Variants in CDH13 observed in about 807,000 individuals in gnomAD.
The protein encoded by CDH13 is cadherin-13.
A neutral mutation model predicts 63.8 loss-of-function variants in CDH13; 24 were observed. The ratio of observed to expected loss-of-function variants is 0.38; its 90% CI spans 0.27 to 0.53. The LOEUF is 0.53. CDH13 is among the 20% of genes least tolerant of loss of function. The pLI, the probability that CDH13 is intolerant of heterozygous loss-of-function variation, is 0.85. For synonymous variants in CDH13, 503 were observed against 355.3 expected (o/e 1.42, Z -4.67); for missense variants, 1,049 against 903.1 (o/e 1.16, Z -2.07).
intron 2 of CDH13, among the ~76,000 whole-genome samples, chr16:82,978,140 A>G (rs990209218): frequency 1.3e-5 from 2 of 152,198 alleles, no homozygotes; most frequent in African/African-American, 4.8e-5. Flanking sequence ...TCCAAGCAGC[A>G]GAGCCTTCAA....
intron 3 of CDH13, among the ~76,000 whole-genome samples, chr16:83,072,692 T>G (rs901564271): frequency 6.6e-6 from 1 of 152,152 alleles, no homozygotes; most frequent in Non-Finnish European, 1.5e-5. Context: ...GATCTGTGCA[T>G]GGAGCAATGT....
intron 1 of CDH13, among the ~76,000 whole-genome samples, chr16:82,638,756 T>G (rs1909001543): frequency 6.7e-6 from 1 of 149,108 alleles, no homozygotes; most frequent in African/African-American, 2.5e-5. Context: ...TTTGATCTGG[T>G]GGGATCTCAT....
At chr16:83,498,941 C>A (rs1006025559) in intron 7 of CDH13, among the ~76,000 whole-genome samples, 1 of 152,142 alleles carries the variant, frequency 6.6e-6, no homozygotes, top group East Asian at 1.9e-4. Context: ...CTCTCTCCTG[C>A]CCTTGGGGGG....
At position 83,670,970 on chromosome 16, in the gene CDH13, A is replaced by C. The variant is rs771105352; in HGVS notation, c.1282A>C (p.Lys428Gln). ...QTNEGMLSVV[K>Q]PLDYEISAFH... ...CAACGAAGGGATGCTTTCTGTTGTC[A>C]AAGTAAGGGTGCTTCCAATTGCCTC... The change falls in exon 9 of 14, where the codon AAA becomes CAA. Residue 428 changes from lysine to glutamine, a missense_variant and splice_region_variant. Physicochemically the swap from Lys to Gln is moderately conservative, Grantham distance 53 (BLOSUM62 1). Coordinates refer to ENST00000567109, the MANE Select transcript of CDH13 (RefSeq NM_001257.5). The C allele has an allele frequency of 6.3e-7, 1 of 1,585,896 alleles. No individual in the cohort carries two copies.
At chr16:83,547,684 T>G (rs551876495) in intron 7 of CDH13, among the ~76,000 whole-genome samples, 2 of 152,378 alleles carry the variant, frequency 1.3e-5, no homozygotes, top group African/African-American at 4.8e-5. Context: ...CCACATTTTC[T>G]TTATCCAGTC....
intron 8 of CDH13, among the ~76,000 whole-genome samples, chr16:83,625,601 G>C (rs1165423104): frequency 6.6e-6 from 1 of 152,144 alleles, no homozygotes; most frequent in African/African-American, 2.4e-5. Context: ...ATTTTCTCTT[G>C]GCATTTGTGC....
chr16:83,633,361 G>T (rs894431376), intron 8 of CDH13, among the ~76,000 whole-genome samples: 1 of 152,220 alleles, frequency 6.6e-6, no homozygotes, highest in South Asian at 2.1e-4. Flanking sequence ...GTCACATTGC[G>T]TGCAGTGGTT....
chr16:83,570,968 T>TAC, intron 7 of CDH13, among the ~76,000 whole-genome samples: 1 of 123,738 alleles, frequency 8.1e-6, no homozygotes, highest in South Asian at 2.7e-4. Context: ...TATATATATA[T>TAC]ATAAAAACCT....
At chr16:82,933,467 G>T (rs2042564270) in intron 2 of CDH13, among the ~76,000 whole-genome samples, 1 of 152,136 alleles carries the variant, frequency 6.6e-6, no homozygotes, top group South Asian at 2.1e-4. Flanking sequence ...TTCAAGATGA[G>T]ATTTGGGTGG....
At chr16:82,918,006 G>T (rs527688609) in intron 2 of CDH13, among the ~76,000 whole-genome samples, 1 of 151,464 alleles carries the variant, frequency 6.6e-6, no homozygotes, top group Non-Finnish European at 1.5e-5. Context: ...GGATCCTAAA[G>T]CTTCCTGACA....
chr16:83,533,563 C>A (rs2075127152), intron 7 of CDH13, among the ~76,000 whole-genome samples: 1 of 151,982 alleles, frequency 6.6e-6, no homozygotes, highest in Non-Finnish European at 1.5e-5. Flanking sequence ...AATGGCACGG[C>A]CCACGGCTTC....
At chr16:83,271,698 A>G (rs1388711731) in intron 5 of CDH13, among the ~76,000 whole-genome samples, 1 of 152,110 alleles carries the variant, frequency 6.6e-6, no homozygotes, top group East Asian at 1.9e-4. Context: ...CATTATTTAT[A>G]GAAACCTTTC....
At chr16:82,783,462 G>A (rs1287610713) in intron 1 of CDH13, among the ~76,000 whole-genome samples, 1 of 152,238 alleles carries the variant, frequency 6.6e-6, no homozygotes, top group Non-Finnish European at 1.5e-5. Flanking sequence ...GAATTAAAGA[G>A]ATTGGGCTGC....
chr16:83,164,735 A>C (rs2037589313), intron 4 of CDH13, among the ~76,000 whole-genome samples: 1 of 152,102 alleles, frequency 6.6e-6, no homozygotes, highest in Non-Finnish European at 1.5e-5. Flanking sequence ...AAAGAAAAAA[A>C]AAATCATCGT....
intron 1 of CDH13, among the ~76,000 whole-genome samples, chr16:82,748,551 T>A (rs778610344): frequency 1.3e-5 from 2 of 152,170 alleles, no homozygotes; most frequent in Non-Finnish European, 2.9e-5. Flanking sequence ...TTTTGTGTTT[T>A]AATTTTTGGA....
At chr16:83,320,258 C>G (rs1044212588) in intron 5 of CDH13, among the ~76,000 whole-genome samples, 1 of 151,844 alleles carries the variant, frequency 6.6e-6, no homozygotes, top group East Asian at 1.9e-4. Context: ...GTTGCCCAGG[C>G]TAGTCTCAAA....
chr16:83,455,927 T>A (rs2151516845), intron 6 of CDH13, among the ~76,000 whole-genome samples: 1 of 152,358 alleles, frequency 6.6e-6, no homozygotes, highest in South Asian at 2.1e-4. Flanking sequence ...CCAATTAATT[T>A]CATCAACAGT....
Position 82,729,687 on chromosome 16 carries a change from G to A in CDH13, c.45+102550G>A, listed in dbSNP as rs1053567763. On this transcript the variant is annotated intron_variant, in intron 1 of 13. Coordinates refer to ENST00000567109, the MANE Select transcript of CDH13 (RefSeq NM_001257.5). The stretch of plus-strand genomic sequence containing the variant: ...TCAACTAAAAGTCACTGGCTGTTTA[G>A]CCCCTAACAAGAGAGTCAGCCTGTC... 2.6e-5 allele frequency among the ~76,000 whole-genome samples: 4 copies of A among 152,274 alleles called. No individual in the cohort carries two copies. In the South Asian group the frequency reaches 8.3e-4, roughly 32 times the overall value.
At chr16:83,352,752 C>T (rs966822194) in intron 6 of CDH13, among the ~76,000 whole-genome samples, 3 of 152,224 alleles carry the variant, frequency 2.0e-5, no homozygotes, top group Non-Finnish European at 4.4e-5. Flanking sequence ...TAGCCAGGTG[C>T]TGTGGCAGGC....
Sources: gnomAD v4.1 joint callset for allele counts (sites outside exome capture counted in the v4.1 genomes callset) on GRCh38, gnomAD v4.1.1 for gene constraint, MANE v1.5 for transcripts, NCBI Gene and HGNC (gene_info 2026-07-23, HGNC 2026-07-21) for gene names.